The following CYB5R4 variants were observed in gnomAD, a reference collection of about 807,000 sequenced individuals.
CYB5R4 encodes cytochrome b5 reductase 4.
Under a neutral mutation model 70.2 loss-of-function variants are expected in CYB5R4, and 55 were observed. The observed-to-expected ratio is 0.78, with a 90% CI of 0.63 to 0.98. The LOEUF (loss-of-function observed/expected upper bound fraction) is 0.98, where lower values mean the gene tolerates loss of function less well. Ranked by LOEUF, CYB5R4 falls within the 50% of genes least tolerant of loss-of-function variation. CYB5R4 has a pLI of 0.00. For synonymous variants in CYB5R4, 197 were observed against 199.5 expected (o/e 0.99, Z 0.11); for missense variants, 562 against 612.6 (o/e 0.92, Z 0.87).
intron 1 of CYB5R4, among the ~76,000 whole-genome samples, chr6:83,861,302 AGT>A (rs2099455894): frequency 6.6e-6 from 1 of 152,128 alleles, no homozygotes; most frequent in African/African-American, 2.4e-5. Flanking sequence ...GTCAGACTCC[AGT>A]CTTCTTCCTC....
At chr6:83,939,315 A>G (rs1588583052) in intron 12 of CYB5R4, among the ~76,000 whole-genome samples, 1 of 152,126 alleles carries the variant, frequency 6.6e-6, no homozygotes, top group Non-Finnish European at 1.5e-5. Flanking sequence ...ATCTAGTCCT[A>G]AAGGTAATTT....
chr6:83,910,177 GGACAA>G, intron 4 of CYB5R4: 1 of 1,562,480 alleles, frequency 6.4e-7, no homozygotes, highest in Non-Finnish European at 8.7e-7. Flanking sequence ...CTGTGAGCAA[GGACAA>G]GACATCTATT....
chr6:83,871,094 A>T (rs759856158), intron 2 of CYB5R4, among the ~76,000 whole-genome samples: 1 of 143,578 alleles, frequency 7.0e-6, no homozygotes, highest in Non-Finnish European at 1.5e-5. Context: ...CTCCTGCCCC[A>T]GCCTCTTGAG....
chr6:83,924,641 G>T (rs2099466977), intron 10 of CYB5R4, 49 bp downstream of exon 10: 1 of 1,592,962 alleles, frequency 6.3e-7, no homozygotes, highest in Non-Finnish European at 8.6e-7. Context: ...TGAAATTGTT[G>T]TTAGTTGTAC....
Position 83,960,931 on chromosome 6 carries a change from C to T in CYB5R4, c.*1053C>T, listed in dbSNP as rs1054911669. 2 of 152,170 alleles carry T rather than the reference C, an allele frequency of 1.3e-5. No individual in the cohort carries two copies. The highest frequency in any genetic ancestry group is 4.8e-5 in the African/African-American group (2 of 41,440). 9.4% of individuals were successfully genotyped at this position (152,170 alleles called of 1,614,324 possible). ...TCATTGTGAGCTTTTCGTGAGGAAACTGTTGAATGCATAGGTAGCTACTGT... is the reference window on the plus strand; with the variant it reads ...TCATTGTGAGCTTTTCGTGAGGAAATTGTTGAATGCATAGGTAGCTACTGT... On this transcript the variant is annotated 3_prime_UTR_variant, in exon 16 of 16. Transcript: ENST00000369681.
intron 14 of CYB5R4, among the ~76,000 whole-genome samples, chr6:83,950,148 A>C (rs1349775363): frequency 6.6e-6 from 1 of 152,094 alleles, no homozygotes; most frequent in African/African-American, 2.4e-5. Flanking sequence ...TACTCTTTCT[A>C]TTTCAATCTG....
chr6:83,941,825 A>AT (rs1167111241), intron 14 of CYB5R4, among the ~76,000 whole-genome samples: 1 of 152,186 alleles, frequency 6.6e-6, no homozygotes, highest in Admixed American at 6.5e-5. Flanking sequence ...TTTTTCAAGT[A>AT]TTTTTTAACA....
At chr6:83,879,975 G>A (rs184872385) in intron 2 of CYB5R4, among the ~76,000 whole-genome samples, 2 of 152,174 alleles carry the variant, frequency 1.3e-5, no homozygotes, top group Admixed American at 1.3e-4. Context: ...TAGATCATCT[G>A]GTTGCCTTAT....
intron 4 of CYB5R4, among the ~76,000 whole-genome samples, chr6:83,912,353 C>T (rs2099464834): frequency 6.6e-6 from 1 of 152,100 alleles, no homozygotes. Flanking sequence ...GTCAATATCG[C>T]TGTTAAGATG....
chr6:83,958,995 G>A (rs527461841), intron 15 of CYB5R4, among the ~76,000 whole-genome samples: 3 of 152,066 alleles, frequency 2.0e-5, no homozygotes, highest in Admixed American at 6.6e-5. Flanking sequence ...AGATAGAATC[G>A]TAGGGGAATC....
At chr6:83,878,627 T>C (rs765113761) in intron 2 of CYB5R4, among the ~76,000 whole-genome samples, 7 of 152,190 alleles carry the variant, frequency 4.6e-5, no homozygotes, top group Non-Finnish European at 7.3e-5. Context: ...ATTACAGGCG[T>C]GAGCCACCGC....
chr6:83,907,367 A>G (rs946174361), intron 3 of CYB5R4, among the ~76,000 whole-genome samples: 2 of 152,248 alleles, frequency 1.3e-5, no homozygotes, highest in Admixed American at 6.5e-5. Context: ...TCCTTGAAGC[A>G]GTAGAATCAC....
Position 83,940,144 on chromosome 6 carries a change from A to G in CYB5R4, c.1197A>G (p.Gly399=), listed in dbSNP as rs1438367080. 6.2e-7 allele frequency: 1 copy of G among 1,612,068 alleles called. No individual in the cohort carries two copies. The highest frequency in any genetic ancestry group is 2.2e-5 in the East Asian group (1 of 44,802). The change falls in exon 13 of 16, where the codon GGA becomes GGG. Residue 399 remains glycine (G), a synonymous_variant. Transcript: ENST00000369681. ...ELEDLFLLAA[G]TGFTPMVKIL... ...AAGATCTCTTTTTGTTGGCAGCTGG[A>G]ACAGGCTTCACACCAATGGTTAAAA... is the stretch of plus-strand genomic sequence containing the variant.
intron 13 of CYB5R4, 90 bp from the exon 14 acceptor site, chr6:83,940,425 C>A (rs1447959407): frequency 7.9e-7 from 1 of 1,271,504 alleles, no homozygotes; most frequent in Non-Finnish European, 1.1e-6. Flanking sequence ...GGCACTAAAA[C>A]ATTCACACTG....
chr6:83,872,840 C>G (rs1413616452), intron 2 of CYB5R4, among the ~76,000 whole-genome samples: 1 of 152,174 alleles, frequency 6.6e-6, no homozygotes, highest in Non-Finnish European at 1.5e-5. Flanking sequence ...ATCCTGTAGC[C>G]TAGTGTGGGA....
chr6:83,911,492 C>A (rs534197196), intron 4 of CYB5R4, among the ~76,000 whole-genome samples: 1 of 152,102 alleles, frequency 6.6e-6, no homozygotes, highest in East Asian at 1.9e-4. Flanking sequence ...ATAATACCAA[C>A]CTTTTGGAAT....
chr6:83,874,824 T>G (rs946792673), intron 2 of CYB5R4, among the ~76,000 whole-genome samples: 1 of 151,764 alleles, frequency 6.6e-6, no homozygotes, highest in South Asian at 2.1e-4. Context: ...TTTATTTTTT[T>G]ATTTTTATTT....
At chr6:83,908,366 G>A (rs1175490476) in intron 3 of CYB5R4, among the ~76,000 whole-genome samples, 2 of 152,018 alleles carry the variant, frequency 1.3e-5, no homozygotes, top group Non-Finnish European at 2.9e-5. Flanking sequence ...GGCCTTTCAT[G>A]AAAAAAGCCT....
intron 9 of CYB5R4, 55 bp downstream of exon 9, chr6:83,922,525 A>C: frequency 8.2e-7 from 1 of 1,219,152 alleles, no homozygotes; most frequent in Non-Finnish European, 1.2e-6. Flanking sequence ...ACATACCTAC[A>C]GAGAGAGAGA....
Sources: gnomAD v4.1 joint callset for allele counts (sites outside exome capture counted in the v4.1 genomes callset) on GRCh38, gnomAD v4.1.1 for gene constraint, MANE v1.5 for transcripts, NCBI Gene and HGNC (gene_info 2026-07-23, HGNC 2026-07-21) for gene names.